Variants in NTM observed in about 807,000 individuals in gnomAD.
The protein encoded by NTM is IgLON family member 2.
NTM carries 13 observed loss-of-function variants against 42.1 expected under a neutral mutation model. The ratio of observed to expected loss-of-function variants is 0.31; its 90% CI spans 0.20 to 0.49. The LOEUF (loss-of-function observed/expected upper bound fraction) is 0.49, where lower values mean the gene tolerates loss of function less well. NTM is among the 20% of genes least tolerant of loss of function. The probability of loss-of-function intolerance (pLI) is 0.99; values close to 1 mark genes in which losing one functional copy is unlikely to be tolerated. For missense variants in NTM, 373 were observed against 452.8 expected (o/e 0.82, Z 1.60); for synonymous variants, 187 against 179.2 (o/e 1.04, Z -0.35).
chr11:131,470,199 C>T (rs914664582), intron 1 of NTM, among the ~76,000 whole-genome samples: 5 of 152,116 alleles, frequency 3.3e-5, no homozygotes, highest in Admixed American at 2.6e-4. Context: ...GCTATTAGCC[C>T]GGGGTTAGAA....
intron 1 of NTM, among the ~76,000 whole-genome samples, chr11:131,804,070 G>C (rs1317302639): frequency 6.6e-6 from 1 of 152,112 alleles, no homozygotes; most frequent in East Asian, 1.9e-4. Context: ...CTGCTGATCT[G>C]TTGATTTTAA....
chr11:131,373,420 C>A (rs1448735723), intron 1 of NTM, among the ~76,000 whole-genome samples: 2 of 152,070 alleles, frequency 1.3e-5, no homozygotes, highest in Non-Finnish European at 2.9e-5. Flanking sequence ...AGGTTAGGAA[C>A]CCCTCCCTGA....
chr11:131,926,377 G>A (rs891783641), intron 2 of NTM, among the ~76,000 whole-genome samples: 1 of 152,174 alleles, frequency 6.6e-6, no homozygotes, highest in Non-Finnish European at 1.5e-5. Context: ...TAAACTGTAG[G>A]TTAGGGGACA....
chr11:132,087,418 T>A (rs937649277), intron 2 of NTM, among the ~76,000 whole-genome samples: 1 of 152,192 alleles, frequency 6.6e-6, no homozygotes, highest in Admixed American at 6.5e-5. Context: ...ACTACTGTTG[T>A]CATCTCCCTC....
chr11:131,511,694 C>T (rs2048273008), intron 1 of NTM, among the ~76,000 whole-genome samples: 1 of 152,188 alleles, frequency 6.6e-6, no homozygotes, highest in Non-Finnish European at 1.5e-5. Flanking sequence ...TTGTCTTGGG[C>T]AATCACACTG....
intron 4 of NTM, among the ~76,000 whole-genome samples, chr11:132,213,303 G>A (rs2083213184): frequency 6.6e-6 from 1 of 152,172 alleles, no homozygotes; most frequent in African/African-American, 2.4e-5. Flanking sequence ...TGTGCAGTAG[G>A]ACATCTCGGC....
At chr11:131,440,162 C>A (rs1046553066) in intron 1 of NTM, among the ~76,000 whole-genome samples, 1 of 151,834 alleles carries the variant, frequency 6.6e-6, no homozygotes, top group African/African-American at 2.4e-5. Flanking sequence ...ACTTTATCCT[C>A]CTATATTTAA....
chr11:131,554,615 A>C (rs2055154065), intron 1 of NTM, among the ~76,000 whole-genome samples: 2 of 151,822 alleles, frequency 1.3e-5, no homozygotes, highest in Admixed American at 1.3e-4. Context: ...GGTCTACTGC[A>C]TCCTCCTGGG....
intron 1 of NTM, among the ~76,000 whole-genome samples, chr11:131,413,019 T>C (rs1946583799): frequency 6.6e-6 from 1 of 152,200 alleles, no homozygotes; most frequent in South Asian, 2.1e-4. Context: ...TTACACTGCC[T>C]TGGGGTGAAG....
chr11:132,112,841 T>C (rs1233476833), intron 2 of NTM, among the ~76,000 whole-genome samples: 2 of 152,066 alleles, frequency 1.3e-5, no homozygotes, highest in Admixed American at 1.3e-4. Context: ...TAGCTTTGAA[T>C]GAAAACAACA....
intron 1 of NTM, among the ~76,000 whole-genome samples, chr11:131,865,357 T>C (rs906245492): frequency 8.5e-5 from 13 of 152,166 alleles, no homozygotes; most frequent in Non-Finnish European, 1.9e-4. Flanking sequence ...TAAATCAATG[T>C]GTGAAGTTGG....
chr11:131,504,883 T>C (rs1235642615), intron 1 of NTM, among the ~76,000 whole-genome samples: 3 of 152,162 alleles, frequency 2.0e-5, no homozygotes. Flanking sequence ...TCTCCTCTTT[T>C]GGCAATTGGC....
chr11:131,880,222 C>G (rs751459314), intron 1 of NTM, among the ~76,000 whole-genome samples: 1 of 152,166 alleles, frequency 6.6e-6, no homozygotes, highest in Non-Finnish European at 1.5e-5. Flanking sequence ...ACTTTTTTCT[C>G]CTTTTTTGAA....
chr11:132,305,146 C>CA (rs1453071765), intron 4 of NTM, among the ~76,000 whole-genome samples: 3 of 152,222 alleles, frequency 2.0e-5, no homozygotes, highest in Non-Finnish European at 4.4e-5. Flanking sequence ...GTCATGCCTC[C>CA]AACAGGCCTT....
At chr11:131,526,153 A>G (rs2050449496) in intron 1 of NTM, among the ~76,000 whole-genome samples, 1 of 152,262 alleles carries the variant, frequency 6.6e-6, no homozygotes, top group African/African-American at 2.4e-5. Context: ...AGAGAAGCCA[A>G]GAGCCCAAGG....
At chr11:132,149,445 A>T (rs1213269996) in intron 3 of NTM, among the ~76,000 whole-genome samples, 4 of 152,142 alleles carry the variant, frequency 2.6e-5, no homozygotes, top group Admixed American at 2.6e-4. Context: ...ACAAAAAGGA[A>T]CTAAATTGAT....
At chr11:132,078,038 A>C (rs1461533440) in intron 2 of NTM, among the ~76,000 whole-genome samples, 1 of 152,252 alleles carries the variant, frequency 6.6e-6, no homozygotes, top group Non-Finnish European at 1.5e-5. Flanking sequence ...ATGCACTACA[A>C]ATAAATATAC....
At chr11:131,968,668 A>G (rs1387497129) in intron 2 of NTM, among the ~76,000 whole-genome samples, 1 of 152,200 alleles carries the variant, frequency 6.6e-6, no homozygotes, top group East Asian at 1.9e-4. Context: ...GTAAAAGTGT[A>G]GCAGCGTTTC....
chr11:132,069,875 C>G (rs1478058877), intron 2 of NTM, among the ~76,000 whole-genome samples: 1 of 150,802 alleles, frequency 6.6e-6, no homozygotes, highest in Non-Finnish European at 1.5e-5. Flanking sequence ...ACACGTCACA[C>G]TGACCGTCAC....
Sources: allele counts gnomAD v4.1 joint callset (sites outside exome capture counted in the v4.1 genomes callset), GRCh38; gene constraint gnomAD v4.1.1; transcripts MANE v1.5; gene names NCBI Gene and HGNC (gene_info 2026-07-23, HGNC 2026-07-21).